The following ATP8A2 variants were observed in gnomAD, a reference collection of about 807,000 sequenced individuals.
The protein encoded by ATP8A2 is ATPase phospholipid transporting 8A2.
Under a neutral mutation model 165.6 loss-of-function variants are expected in ATP8A2, and 100 were observed. The ratio of observed to expected loss-of-function variants is 0.60; its 90% CI spans 0.51 to 0.71. ATP8A2 has a LOEUF of 0.71. ATP8A2 is among the 30% of genes least tolerant of loss of function. The pLI, the probability that ATP8A2 is intolerant of heterozygous loss-of-function variation, is 0.00. For synonymous variants in ATP8A2, 543 were observed against 548.8 expected, an observed-to-expected ratio of 0.99 and a Z score of 0.15; for missense variants, 1,227 against 1,479.5, an observed-to-expected ratio of 0.83 and a Z score of 2.80.
intron 27 of ATP8A2, among the ~76,000 whole-genome samples, chr13:25,805,401 A>G (rs1950713154): frequency 6.6e-6 from 1 of 152,140 alleles, no homozygotes; most frequent in South Asian, 2.1e-4. Flanking sequence ...CTGTATTCCT[A>G]GCTACTTGGG....
At chr13:26,012,439 T>C (rs888739681) in intron 35 of ATP8A2, 92 bp from the exon 36 acceptor site, 8 of 997,738 alleles carry the variant, frequency 8.0e-6, no homozygotes, top group Non-Finnish European at 1.2e-5. Flanking sequence ...GGGGAGGTGA[T>C]CCCCCACCTC....
chr13:25,768,079 G>T (rs938690778), intron 25 of ATP8A2, among the ~76,000 whole-genome samples: 7 of 139,602 alleles, frequency 5.0e-5, no homozygotes, highest in Non-Finnish European at 9.6e-5. Context: ...GGTGGCGTGG[G>T]GGGGGGGTGG....
At chr13:25,603,368 G>A (rs962436974) in intron 24 of ATP8A2, among the ~76,000 whole-genome samples, 5 of 151,402 alleles carry the variant, frequency 3.3e-5, no homozygotes, top group African/African-American at 1.2e-4. Context: ...GTGCTTGCCT[G>A]TAGTCTCAGC....
chr13:25,780,145 T>G (rs565102705), intron 27 of ATP8A2, among the ~76,000 whole-genome samples: 14 of 152,230 alleles, frequency 9.2e-5, no homozygotes, highest in African/African-American at 3.1e-4. Context: ...TTACTTGAAC[T>G]TAACCTATAT....
intron 35 of ATP8A2, among the ~76,000 whole-genome samples, chr13:25,987,257 T>C (rs988826964): frequency 2.0e-5 from 3 of 152,234 alleles, no homozygotes; most frequent in Non-Finnish European, 2.9e-5. Context: ...AAGAGTAAGG[T>C]AATTTAGCCA....
At chr13:25,411,944 A>C (rs904663526) in intron 1 of ATP8A2, among the ~76,000 whole-genome samples, 4 of 152,194 alleles carry the variant, frequency 2.6e-5, no homozygotes, top group African/African-American at 9.7e-5. Flanking sequence ...TCCTCCTAAA[A>C]CTATCTAAAT....
chr13:25,749,017 T>C (rs575696367), intron 25 of ATP8A2, among the ~76,000 whole-genome samples: 8 of 152,306 alleles, frequency 5.3e-5, no homozygotes, highest in African/African-American at 1.9e-4. Context: ...CCATGGCTTG[T>C]AGTGAGAGGA....
At chr13:25,674,033 T>C (rs2042319934) in intron 24 of ATP8A2, among the ~76,000 whole-genome samples, 1 of 152,236 alleles carries the variant, frequency 6.6e-6, no homozygotes, top group African/African-American at 2.4e-5. Context: ...CCTACCTGGC[T>C]TTGGTTCCAC....
chr13:25,732,035 C>T (rs1298374625), intron 25 of ATP8A2, among the ~76,000 whole-genome samples: 2 of 152,210 alleles, frequency 1.3e-5, no homozygotes, highest in African/African-American at 4.8e-5. Context: ...CTCACAGCCT[C>T]TCCACATTCT....
chr13:25,714,851 G>A (rs947081637), intron 25 of ATP8A2, among the ~76,000 whole-genome samples: 4 of 152,166 alleles, frequency 2.6e-5, no homozygotes, highest in Non-Finnish European at 5.9e-5. Flanking sequence ...TCTACTTGTA[G>A]GAAATAGATA....
At chr13:25,476,839 A>C (rs2036008859) in intron 2 of ATP8A2, among the ~76,000 whole-genome samples, 1 of 152,200 alleles carries the variant, frequency 6.6e-6, no homozygotes, top group Admixed American at 6.5e-5. Context: ...ATGGCACAAC[A>C]ATCCTGAGTT....
intron 33 of ATP8A2, among the ~76,000 whole-genome samples, chr13:25,886,562 G>T (rs923631607): frequency 6.6e-6 from 1 of 152,230 alleles, no homozygotes. Flanking sequence ...TCTCGCTCAC[G>T]TGGTTTCACC....
chr13:25,559,671 GT>G, intron 14 of ATP8A2, 49 bp from the exon 15 acceptor site: 1 of 1,418,678 alleles, frequency 7.0e-7, no homozygotes, highest in Non-Finnish European at 1.0e-6. Flanking sequence ...CAGAATGTCT[GT>G]CTTTTGATCA....
intron 24 of ATP8A2, among the ~76,000 whole-genome samples, chr13:25,636,909 A>G (rs929100494): frequency 6.6e-6 from 1 of 152,024 alleles, no homozygotes; most frequent in Admixed American, 6.5e-5. Context: ...CCTGGGCAAC[A>G]TAGTGAGTCA....
At chr13:25,898,840 T>C (rs1262862932) in intron 33 of ATP8A2, among the ~76,000 whole-genome samples, 1 of 152,230 alleles carries the variant, frequency 6.6e-6, no homozygotes, top group Non-Finnish European at 1.5e-5. Context: ...AGGTGCCGGA[T>C]ATAATCTCCT....
At chr13:25,474,209 T>C (rs558674588) in intron 2 of ATP8A2, among the ~76,000 whole-genome samples, 46 of 152,202 alleles carry the variant, frequency 3.0e-4, no homozygotes, top group Non-Finnish European at 6.3e-4. Flanking sequence ...GAAAATTACT[T>C]CATACAAATT....
chr13:25,932,809 G>A (rs1318874679), intron 33 of ATP8A2, among the ~76,000 whole-genome samples: 1 of 152,136 alleles, frequency 6.6e-6, no homozygotes, highest in Non-Finnish European at 1.5e-5. Context: ...TTCTTAGTTA[G>A]GCTTCCCGTT....
intron 24 of ATP8A2, among the ~76,000 whole-genome samples, chr13:25,671,062 A>T (rs2042252824): frequency 6.6e-6 from 1 of 152,228 alleles, no homozygotes; most frequent in Admixed American, 6.5e-5. Context: ...ATGGCAGAAG[A>T]ACGTGGATTG....
intron 1 of ATP8A2, among the ~76,000 whole-genome samples, chr13:25,410,442 A>C (rs952093742): frequency 6.6e-6 from 1 of 152,206 alleles, no homozygotes; most frequent in African/African-American, 2.4e-5. Flanking sequence ...CTGGATTTTA[A>C]GTTATTTGAA....
Sources: gnomAD v4.1 joint callset for allele counts (sites outside exome capture counted in the v4.1 genomes callset) on GRCh38, gnomAD v4.1.1 for gene constraint, MANE v1.5 for transcripts, NCBI Gene and HGNC (gene_info 2026-07-23, HGNC 2026-07-21) for gene names.